Variants in NFATC1 observed in about 807,000 individuals in gnomAD.
The protein encoded by NFATC1 is nuclear factor of activated T-cells, cytoplasmic 1.
Under a neutral mutation model 76.0 loss-of-function variants are expected in NFATC1, and 22 were observed. The ratio of observed to expected loss-of-function variants is 0.29; its 90% CI spans 0.21 to 0.41. The LOEUF (loss-of-function observed/expected upper bound fraction) is 0.41. Ranked by LOEUF, NFATC1 falls within the 10% of genes least tolerant of loss-of-function variation. NFATC1 has a pLI of 1.00. For synonymous variants in NFATC1, 704 were observed against 613.1 expected (o/e 1.15, Z -2.19); for missense variants, 1,357 against 1,337.7 (o/e 1.01, Z -0.23).
chr18:79,444,524 C>T (rs2087116843), intron 3 of NFATC1, among the ~76,000 whole-genome samples: 1 of 152,062 alleles, frequency 6.6e-6, no homozygotes, highest in Non-Finnish European at 1.5e-5. Flanking sequence ...GCCCCTCAGG[C>T]CCTTTCCCGC....
intron 2 of NFATC1, among the ~76,000 whole-genome samples, chr18:79,430,812 G>C (rs1277950016): frequency 2.6e-5 from 4 of 152,256 alleles, no homozygotes; most frequent in Non-Finnish European, 5.9e-5. Context: ...AGCAGGTGTG[G>C]CCACTGCAGA....
At chr18:79,480,479 C>T (rs2089234018) in intron 8 of NFATC1, among the ~76,000 whole-genome samples, 2 of 152,138 alleles carry the variant, frequency 1.3e-5, no homozygotes, top group African/African-American at 4.8e-5. Context: ...CCACTGCCGG[C>T]CGCCAGCATC....
At chr18:79,494,269 A>G (rs1431165027) in intron 9 of NFATC1, among the ~76,000 whole-genome samples, 332 of 132,490 alleles carry the variant, frequency 2.5e-3, no homozygotes, top group African/African-American at 7.1e-3. Flanking sequence ...GCCCCCCATG[A>G]ACCTGGTACC....
At chr18:79,493,778 G>C (rs577201551) in intron 9 of NFATC1, 3 of 152,382 alleles carry the variant, frequency 2.0e-5, no homozygotes, top group African/African-American at 7.2e-5. Context: ...CGGCTACCGC[G>C]TGATGGATGG....
At chr18:79,473,938 C>A (rs909816120) in intron 8 of NFATC1, among the ~76,000 whole-genome samples, 1 of 145,400 alleles carries the variant, frequency 6.9e-6, no homozygotes, top group African/African-American at 2.6e-5. Flanking sequence ...TCACTGTCGA[C>A]ATTGTAAACC....
intron 7 of NFATC1, 129 bp downstream of exon 7, chr18:79,461,495 T>C (rs1355438825): frequency 6.9e-5 from 40 of 579,206 alleles, no homozygotes; most frequent in Non-Finnish European, 2.6e-6. Flanking sequence ...ATGAAACAAA[T>C]AAAAATAGTG....
Position 79,486,762 on chromosome 18 carries a change from G to A in NFATC1, c.2607G>A (p.Pro869=), listed in dbSNP as rs763116408. 2.6e-5 allele frequency: 41 copies of A among 1,604,882 alleles called. 1 individual carries two copies. The highest frequency in any genetic ancestry group is 3.4e-5 in the Admixed American group (2 of 59,604). Reference sequence around the variant, plus strand: ...TGCAGCCCTGCAGCCCAGCGTGCCCGCCCGCCACGGGCCGCCCGCAGCACC... The same window carrying A: ...TGCAGCCCTGCAGCCCAGCGTGCCCACCCGCCACGGGCCGCCCGCAGCACC... ...TCLQPCSPAC[P]PATGRPQHLP... The change falls in exon 9 of 10, where the codon CCG becomes CCA. Residue 869 remains proline, a synonymous_variant. Transcript: ENST00000427363.
intron 1 of NFATC1, chr18:79,400,629 T>C: frequency 1.5e-6 from 1 of 672,848 alleles, no homozygotes; most frequent in Non-Finnish European, 2.1e-6. Context: ...GACGCTGCAG[T>C]GCGGGGCGTC....
chr18:79,474,014 G>A lies in NFATC1; in HGVS notation c.2092+6432G>A, dbSNP rs567351447. Reference sequence around the variant, plus strand: ...GGGAAGCGTTTTCACACTCACTGTCGACGTAAACCTGAGGGAAGCGTGTTC... The same window carrying A: ...GGGAAGCGTTTTCACACTCACTGTCAACGTAAACCTGAGGGAAGCGTGTTC... On this transcript the variant is annotated intron_variant, in intron 8 of 9. Coordinates refer to ENST00000427363, the MANE Select transcript of NFATC1 (RefSeq NM_001278669.2). 4.7e-4 allele frequency among the ~76,000 whole-genome samples: 65 copies of A among 138,416 alleles called. 5 individuals are homozygous for A. The highest frequency in any genetic ancestry group is 1.6e-3 in the African/African-American group (56 of 35,532). The allele number at this position is 138,416 out of a possible 152,430, so 90.8% of individuals were successfully genotyped here. A position where few individuals can be genotyped will look rare whatever the true frequency, so the allele number is the denominator to read the frequency against.
intron 5 of NFATC1, 85 bp downstream of exon 5, chr18:79,451,211 T>G: frequency 6.7e-7 from 1 of 1,482,658 alleles, no homozygotes; most frequent in Non-Finnish European, 9.2e-7. Flanking sequence ...AGCTTTTCGT[T>G]CGTGTAGACT....
chr18:79,510,910 ACCGGGGGCTCCTCCG>A (rs2090232700), intron 9 of NFATC1, among the ~76,000 whole-genome samples: 2 of 150,892 alleles, frequency 1.3e-5, no homozygotes, highest in South Asian at 2.1e-4. Flanking sequence ...GACATCCTCC[ACCGGGGGCTCCTCCG>A]CCGGGGCATC....
rs1569035287 is a variant in NFATC1, at chr18:79,500,114, T to C, written c.2782+13177T>C. Among the ~76,000 whole-genome samples, 3 of 152,096 alleles carry C rather than the reference T, an allele frequency of 2.0e-5. No individual in the cohort carries two copies. The East Asian group carries it at 5.8e-4, about 29-fold the overall frequency. ...AAAACACTTAAGACTATCAACCAAC[T>C]TTACAAGACATCTGTAGGACACTCT... On this transcript the variant is annotated intron_variant, in intron 9 of 9. Coordinates refer to ENST00000427363, the MANE Select transcript of NFATC1 (RefSeq NM_001278669.2).
In NFATC1 at chr18:79,523,548, C is replaced by T. The variant is rs533358361; in HGVS notation, c.2783-3980C>T. ...AGAGCTTGCGTGGCCCCAGCAAGGG[C>T]ACAGATAAGATTCACAGGTGAGGCA... On this transcript the variant is annotated intron_variant, in intron 9 of 9. Transcript: ENST00000427363. 2.0e-5 allele frequency among the ~76,000 whole-genome samples: 3 copies of T among 152,392 alleles called. No homozygotes were observed. In the South Asian group the frequency reaches 6.2e-4, roughly 32 times the overall value.
intron 3 of NFATC1, chr18:79,448,159 A>G (rs2087294976): frequency 1.3e-5 from 2 of 154,534 alleles, no homozygotes; most frequent in African/African-American, 4.8e-5. Context: ...AGACACCTCC[A>G]TGCATGGTTG....
intron 1 of NFATC1, chr18:79,402,215 G>A: frequency 2.1e-6 from 1 of 465,202 alleles, no homozygotes; most frequent in Non-Finnish European, 2.8e-6. Context: ...TATCCGGGAA[G>A]ACGCACAGGA....
At chr18:79,471,367 G>A (rs1284568745) in intron 8 of NFATC1, among the ~76,000 whole-genome samples, 3 of 152,224 alleles carry the variant, frequency 2.0e-5, no homozygotes, top group East Asian at 1.9e-4. Flanking sequence ...AGGCAGGGCC[G>A]GGAATCTGTC....
chr18:79,400,359 C>A (rs781102284), intron 1 of NFATC1: 2 of 1,394,392 alleles, frequency 1.4e-6, no homozygotes, highest in East Asian at 3.3e-5. Context: ...GGCCGCGACC[C>A]CGGCTCCCGC....
rs367880853 is a variant in NFATC1 at position 79,458,320 on chromosome 18, C to T, written c.1904-2991C>T. Among the ~76,000 whole-genome samples, 1,206 of 149,378 alleles carry T rather than the reference C, an allele frequency of 8.1e-3. 12 individuals carry two copies. The highest frequency in any genetic ancestry group is 0.03 in the South Asian group (143 of 4,794). Reference sequence around the variant, plus strand: ...CGAGGACGCCGCGGGGAGCAGGGCACGAGGATGCTTTGGGGAGCAGGGCAG... The same window carrying T: ...CGAGGACGCCGCGGGGAGCAGGGCATGAGGATGCTTTGGGGAGCAGGGCAG... On this transcript the variant is annotated intron_variant, in intron 6 of 9. Transcript: ENST00000427363.
chr18:79,406,185 C>T (rs999524010), intron 1 of NFATC1, among the ~76,000 whole-genome samples: 2 of 152,240 alleles, frequency 1.3e-5, no homozygotes, highest in Non-Finnish European at 2.9e-5. Flanking sequence ...TTAAAAAATT[C>T]TTCAGAATTA....
Sources: allele counts gnomAD v4.1 joint callset (sites outside exome capture counted in the v4.1 genomes callset), GRCh38; gene constraint gnomAD v4.1.1; transcripts MANE v1.5; gene names NCBI Gene and HGNC (gene_info 2026-07-23, HGNC 2026-07-21).